Variants in COPG2 observed in about 807,000 individuals in gnomAD.
The protein encoded by COPG2 is coat protein complex I subunit gamma 2, also known as coatomer subunit gamma-2.
In COPG2, 37 loss-of-function variants were observed where a neutral mutation model predicts 46.3. The observed-to-expected ratio is 0.80, with a 90% confidence interval of 0.61 to 1.05. COPG2 has a LOEUF of 1.05. Ranked by LOEUF, COPG2 falls within the 50% of genes least tolerant of loss-of-function variation. The pLI is 0.00. For synonymous variants in COPG2, 159 were observed against 129.7 expected (o/e 1.23, Z -1.53); for missense variants, 427 against 387.8 (o/e 1.10, Z -0.85).
At chr7:130,616,539 AAG>A (rs1157561778) in intron 6 of COPG2, among the ~76,000 whole-genome samples, 1 of 152,092 alleles carries the variant, frequency 6.6e-6, no homozygotes, top group African/African-American at 2.4e-5. Context: ...GCAGTGAGCC[AAG>A]ATCGTGCCAC....
At chr7:130,595,884 GTTGGTAAGTCCCA>G (rs1330727975) in intron 9 of COPG2, among the ~76,000 whole-genome samples, 1 of 152,172 alleles carries the variant, frequency 6.6e-6, no homozygotes, top group Non-Finnish European at 1.5e-5. Flanking sequence ...ACCACCAGCA[GTTGGTAAGTCCCA>G]TTGGGGCCTT....
At chr7:130,564,996 G>C (rs1267786869) in intron 9 of COPG2, among the ~76,000 whole-genome samples, 1 of 152,162 alleles carries the variant, frequency 6.6e-6, no homozygotes, top group Non-Finnish European at 1.5e-5. Context: ...TTTTAGCAGG[G>C]GCAAACAAGA....
intron 8 of COPG2, 39 bp from the exon 9 acceptor site, chr7:130,611,149 A>C: frequency 6.4e-7 from 1 of 1,553,782 alleles, no homozygotes; most frequent in Non-Finnish European, 8.8e-7. Context: ...ATGGATTAGA[A>C]AGATGTCAAA....
At chr7:130,644,331 T>C (rs552754233) in intron 5 of COPG2, among the ~76,000 whole-genome samples, 1 of 152,292 alleles carries the variant, frequency 6.6e-6, no homozygotes, top group East Asian at 1.9e-4. Context: ...GGCAGATGGT[T>C]CTAGGTTAGG....
chr7:130,545,378 C>A (rs1271253322), intron 20 of COPG2, among the ~76,000 whole-genome samples: 1 of 151,758 alleles, frequency 6.6e-6, no homozygotes, highest in Admixed American at 6.6e-5. Flanking sequence ...TTTTTCACTG[C>A]GATTATAAGG....
At chr7:130,661,481 T>A (rs1795977915) in intron 4 of COPG2, among the ~76,000 whole-genome samples, 1 of 152,222 alleles carries the variant, frequency 6.6e-6, no homozygotes. Context: ...ATACTCATAG[T>A]GGTTCTGTTT....
rs551851520 is a variant in COPG2, at chr7:130,582,917, A to G, written c.738-18524T>C. On this transcript the variant is annotated intron_variant, in intron 9 of 23. Transcript: ENST00000425248. ...GTTGGTGGGACTGTAAACTAGTTCA[A>G]CCATTGTGGAAGTCAGTGTGGCGAT... Among the ~76,000 whole-genome samples the G allele has an allele frequency of 2.7e-4, 41 of 152,020 alleles. No individual in the cohort carries two copies. In the East Asian group the frequency reaches 3.7e-3, roughly 14 times the overall value.
At chr7:130,537,759 T>C (rs1404632638) in intron 20 of COPG2, among the ~76,000 whole-genome samples, 1 of 152,222 alleles carries the variant, frequency 6.6e-6, no homozygotes, top group Non-Finnish European at 1.5e-5. Flanking sequence ...TAGAGAATCC[T>C]CCTTTTTGCC....
At chr7:130,645,392 C>T (rs1406986658) in intron 5 of COPG2, 7 of 531,356 alleles carry the variant, frequency 1.3e-5, no homozygotes, top group Non-Finnish European at 2.7e-5. Context: ...AGGACCGACT[C>T]CATGGGCTCC....
chr7:130,553,247 A>G (rs1793561259), intron 14 of COPG2, among the ~76,000 whole-genome samples: 1 of 152,218 alleles, frequency 6.6e-6, no homozygotes, highest in African/African-American at 2.4e-5. Flanking sequence ...CTGGCAATAA[A>G]ACAAAATTAG....
At chr7:130,577,901 G>C (rs2116430975) in intron 9 of COPG2, among the ~76,000 whole-genome samples, 1 of 152,086 alleles carries the variant, frequency 6.6e-6, no homozygotes, top group Non-Finnish European at 1.5e-5. Context: ...CAAACTGCAA[G>C]GCGGCAGCGA....
intron 9 of COPG2, among the ~76,000 whole-genome samples, chr7:130,575,742 G>A (rs782667617): frequency 1.3e-5 from 2 of 152,186 alleles, no homozygotes; most frequent in African/African-American, 4.8e-5. Flanking sequence ...TACTAACACT[G>A]AGTGTAAATA....
At chr7:130,665,935 A>C (rs1456873421) in intron 3 of COPG2, among the ~76,000 whole-genome samples, 1 of 152,152 alleles carries the variant, frequency 6.6e-6, no homozygotes, top group Non-Finnish European at 1.5e-5. Flanking sequence ...TTTGTCTGCT[A>C]TATCCCCAAC....
intron 9 of COPG2, among the ~76,000 whole-genome samples, chr7:130,587,910 T>C (rs1554448284): frequency 6.6e-6 from 1 of 151,974 alleles, no homozygotes; most frequent in Non-Finnish European, 1.5e-5. Flanking sequence ...AAAGGGCTAA[T>C]ATCCAGAATC....
In COPG2 at chr7:130,666,857, GT is replaced by G; in HGVS notation, c.162del (p.Leu54PhefsTer2). On this transcript the variant is annotated frameshift_variant, in exon 3 of 24. Transcript: ENST00000425248. LOFTEE classifies it high-confidence loss of function. Reference sequence around the variant, plus strand: ...AAATAAAAATAATATACCTGGTTCAGTAAGTAAAGAATCTTTGTAAGAATAT... The same window carrying G: ...AAATAAAAATAATATACCTGGTTCAGAAGTAAAGAATCTTTGTAAGAATAT... ...CLHILTKILY[L>X]LNQGEHFGTT... 1 of 1,457,356 alleles carries G rather than the reference GT, an allele frequency of 6.9e-7. No individual in the cohort carries two copies. The highest frequency in any genetic ancestry group is 1.4e-5 in the African/African-American group (1 of 71,574). The allele number at this position is 1,457,356 out of a possible 1,614,324, so 90.3% of individuals were successfully genotyped here. A position where few individuals can be genotyped will look rare whatever the true frequency, so the allele number is the denominator to read the frequency against.
intron 20 of COPG2, among the ~76,000 whole-genome samples, chr7:130,521,519 T>G (rs1453558311): frequency 6.6e-6 from 1 of 152,144 alleles, no homozygotes; most frequent in East Asian, 1.9e-4. Flanking sequence ...GTTAACAATG[T>G]GCTCTTCCAA....
In COPG2 at chr7:130,521,296, G is replaced by C. The variant is rs1278165946; in HGVS notation, c.2150-12637C>G. 5.3e-5 allele frequency among the ~76,000 whole-genome samples: 8 copies of C among 152,354 alleles called. No homozygotes were observed. The East Asian group carries it at 1.5e-3, about 29-fold the overall frequency. On this transcript the variant is annotated intron_variant, in intron 20 of 23. Coordinates refer to ENST00000425248, the MANE Select transcript of COPG2 (RefSeq NM_012133.6). ...TTTGCATTAAAAAGTGCAACGGACA[G>C]AAAGATTAGCAACACATTCAGTGAA...
intron 4 of COPG2, among the ~76,000 whole-genome samples, chr7:130,656,818 T>C (rs1296551595): frequency 2.6e-5 from 4 of 151,930 alleles, no homozygotes; most frequent in African/African-American, 7.2e-5. Flanking sequence ...TAAAGGGATA[T>C]ATACCATGTT....
intron 20 of COPG2, 62 bp from the exon 21 acceptor site, chr7:130,508,721 T>TTCTTAGGAAGTG (rs58927323): frequency 1 from 709,858 of 709,874 alleles, 354,921 homozygotes; most frequent in Middle Eastern, 1. Flanking sequence ...TTTCCATCAT[T>TTCTTAGGAAGTG]CCATCTGTAC....
Sources: allele counts gnomAD v4.1 joint callset (sites outside exome capture counted in the v4.1 genomes callset), GRCh38; gene constraint gnomAD v4.1.1; transcripts MANE v1.5; gene names NCBI Gene and HGNC (gene_info 2026-07-23, HGNC 2026-07-21).